VAV2: variants seen among roughly 807,000 people sequenced by gnomAD.
The protein encoded by VAV2 is vav guanine nucleotide exchange factor 2, also known as guanine nucleotide exchange factor VAV2.
A neutral mutation model predicts 132.5 loss-of-function variants in VAV2; 67 were observed. The observed-to-expected ratio is 0.51, with a 90% confidence interval of 0.42 to 0.62. The LOEUF (loss-of-function observed/expected upper bound fraction) is 0.62, where lower values mean the gene tolerates loss of function less well. VAV2 is among the 20% of genes least tolerant of loss of function. VAV2 has a pLI of 0.00. For missense variants in VAV2, 938 were observed against 1,153.6 expected (o/e 0.81, Z 2.71); for synonymous variants, 492 against 443.5 (o/e 1.11, Z -1.37).
At chr9:133,806,033 C>T (rs766504486) in intron 9 of VAV2, 48 bp downstream of exon 9, 8 of 1,578,092 alleles carry the variant, frequency 5.1e-6, no homozygotes, top group Non-Finnish European at 6.0e-6. Context: ...TAAACTCTCC[C>T]GCAGACAGGG....
In VAV2 at chr9:133,840,449, C is replaced by A. The variant is rs537845894; in HGVS notation, c.381-6109G>T. 4.6e-5 allele frequency among the ~76,000 whole-genome samples: 7 copies of A among 152,268 alleles called. No homozygotes were observed. The highest frequency in any genetic ancestry group is 1.3e-4 in the Admixed American group (2 of 15,298). On this transcript the variant is annotated intron_variant, in intron 3 of 29. Transcript: ENST00000371850. The surrounding 1 kb of genome is among the most constrained non-coding windows in gnomAD (Gnocchi z 4.5). ...TCCTGCCCCTGAGCCACTGCTTGCT[C>A]AAGGAGCTCCCCCAGCCCCCAACAG...
intron 3 of VAV2, among the ~76,000 whole-genome samples, chr9:133,837,453 T>C (rs1279542204): frequency 6.6e-6 from 1 of 152,134 alleles, no homozygotes; most frequent in Non-Finnish European, 1.5e-5. Context: ...CCCAGGACTT[T>C]GGGAGGCCCG....
At chr9:133,771,814 T>G in intron 26 of VAV2, 145 bp downstream of exon 26, 16 of 747,834 alleles carry the variant, frequency 2.1e-5, no homozygotes, top group Non-Finnish European at 3.4e-5. Flanking sequence ...GCTGTCCTAG[T>G]GCCTTAAAAA....
At chr9:133,972,352 C>T (rs1228742652) in intron 1 of VAV2, among the ~76,000 whole-genome samples, 2 of 152,220 alleles carry the variant, frequency 1.3e-5, no homozygotes, top group East Asian at 1.9e-4. Context: ...CATCTCCAGG[C>T]TTGCAGCCCA....
intron 2 of VAV2, among the ~76,000 whole-genome samples, chr9:133,881,060 G>A (rs182242436): frequency 0.01 from 1,539 of 148,682 alleles, 12 homozygotes; most frequent in Middle Eastern, 0.032. Context: ...GCAGCCCAGA[G>A]CTGGGGGCCA....
intron 16 of VAV2, 145 bp downstream of exon 16, chr9:133,787,101 C>T (rs554776767): frequency 3.3e-5 from 29 of 885,056 alleles, no homozygotes; most frequent in Non-Finnish European, 4.1e-5. Flanking sequence ...ATTTCATCAT[C>T]GGGAAAGGGA....
chr9:133,784,528 G>C (rs901588015), intron 17 of VAV2, 110 bp from the exon 18 acceptor site: 74 of 1,187,094 alleles, frequency 6.2e-5, no homozygotes, highest in Admixed American at 3.0e-4. Context: ...TGCAGAATCC[G>C]AGAGGGCCTG....
intron 6 of VAV2, among the ~76,000 whole-genome samples, chr9:133,809,919 G>A (rs887888571): frequency 4.6e-5 from 7 of 152,274 alleles, no homozygotes; most frequent in Admixed American, 2.6e-4. Context: ...CGCTCGTGTC[G>A]GCCCTAAGAC....
At chr9:133,791,654 C>T (rs935327200) in intron 13 of VAV2, 129 bp downstream of exon 13, 2 of 798,148 alleles carry the variant, frequency 2.5e-6, no homozygotes, top group Non-Finnish European at 4.2e-6. Flanking sequence ...AGTTGCCGGG[C>T]ACCAGCCTCT....
Position 133,992,291 on chromosome 9 carries a change from C to A in VAV2, c.-13G>T. 1.3e-6 allele frequency: 2 copies of A among 1,522,716 alleles called. No homozygotes were observed. Among genetic ancestry groups the A allele is most frequent in the South Asian group, 1.2e-5 (1 of 80,780 alleles). The allele number at this position is 1,522,716 out of a possible 1,614,324, so 94.3% of individuals were successfully genotyped here. On this transcript the variant is annotated 5_prime_UTR_variant, in exon 1 of 30. Coordinates refer to ENST00000371850, the MANE Select transcript of VAV2 (RefSeq NM_001134398.2). This position sits in a 1 kb window ranked among gnomAD's most constrained non-coding sequence, Gnocchi z 5.5. ...GCCACTGCTCCATGGCGCCCGCGGG[C>A]CCGACCGGCTCAGGGCAGTGCTCGA...
chr9:133,788,250 A>C lies in VAV2; in HGVS notation c.1407+104T>G. On this transcript the variant is annotated intron_variant, in intron 15 of 29. Coordinates refer to ENST00000371850, the MANE Select transcript of VAV2 (RefSeq NM_001134398.2). This position sits in a 1 kb window ranked among gnomAD's most constrained non-coding sequence, Gnocchi z 5.3. ...CACCCCAACCCACCCGGCCAGCATC[A>C]GCGGCTGACTTCGAGTCCCCTTCCC... 1 of 1,041,408 alleles carries C rather than the reference A, an allele frequency of 9.6e-7. No homozygotes were observed. The highest frequency in any genetic ancestry group is 1.3e-6 in the Non-Finnish European group (1 of 742,002). 64.5% of individuals were successfully genotyped at this position (1,041,408 alleles called of 1,614,324 possible).
intron 25 of VAV2, among the ~76,000 whole-genome samples, chr9:133,772,304 T>C (rs927947144): frequency 2.0e-5 from 3 of 152,202 alleles, no homozygotes; most frequent in African/African-American, 7.2e-5. Context: ...TCTCCTGGCC[T>C]CTAGCCCTGC....
chr9:133,798,905 C>T (rs759108666), intron 9 of VAV2, among the ~76,000 whole-genome samples: 6 of 152,214 alleles, frequency 3.9e-5, no homozygotes, highest in Admixed American at 6.5e-5. Context: ...TCTGGCAGGG[C>T]TGTGTGTTGG....
rs1325819417 is a variant in VAV2, at chr9:133,912,404, C to T, written c.321+26699G>A. ...TGCCACACAAACGAGCCGGAGGCTT[C>T]TGGAGGACAGTGTGCCTAGATGAAG... is the stretch of plus-strand genomic sequence containing the variant. On this transcript the variant is annotated intron_variant, in intron 2 of 29. Coordinates refer to ENST00000371850, the MANE Select transcript of VAV2 (RefSeq NM_001134398.2). The surrounding 1 kb of genome is among the most constrained non-coding windows in gnomAD (Gnocchi z 4.3). Among the ~76,000 whole-genome samples, 1 of 152,202 alleles carries T rather than the reference C, an allele frequency of 6.6e-6. No individual in the cohort carries two copies. Among genetic ancestry groups the T allele is most frequent in the African/African-American group, 2.4e-5 (1 of 41,446 alleles).
chr9:133,768,058 CA>C lies in VAV2; in HGVS notation c.2589+383del, dbSNP rs1833494105. 6.6e-6 allele frequency among the ~76,000 whole-genome samples: 1 copy of C among 152,064 alleles called. No individual in the cohort carries two copies. The highest frequency in any genetic ancestry group is 2.4e-5 in the African/African-American group (1 of 41,402). ...AATGGCAGGAGGAGCCCAGCAAGGA[CA>C]CCGTGTCCTCCTCAGTCCTGTGACC... On this transcript the variant is annotated intron_variant, in intron 29 of 29. Transcript: ENST00000371850. The surrounding 1 kb of genome is among the most constrained non-coding windows in gnomAD (Gnocchi z 5.3).
At chr9:133,801,957 T>A (rs1222055581) in intron 9 of VAV2, among the ~76,000 whole-genome samples, 5 of 152,048 alleles carry the variant, frequency 3.3e-5, no homozygotes, top group South Asian at 2.1e-4. Flanking sequence ...AACAGAGACA[T>A]CTCTGTTGTT....
chr9:133,768,708 G>C lies in VAV2; in HGVS notation c.2435-112C>G. ...CCCCTGGTGCCCAGAACCCTGCTCT[G>C]TACCCAGAGAGGAAGGATGTCAAGC... On this transcript the variant is annotated intron_variant, in intron 28 of 29. Transcript: ENST00000371850. This position sits in a 1 kb window ranked among gnomAD's most constrained non-coding sequence, Gnocchi z 5.3. 7.5e-7 allele frequency: 1 copy of C among 1,335,898 alleles called. No homozygotes were observed. The highest frequency in any genetic ancestry group is 2.5e-5 in the East Asian group (1 of 39,500). The allele number at this position is 1,335,898 out of a possible 1,614,324, so 82.8% of individuals were successfully genotyped here.
At chr9:133,914,025 T>C (rs910177711) in intron 2 of VAV2, among the ~76,000 whole-genome samples, 38 of 152,220 alleles carry the variant, frequency 2.5e-4, no homozygotes, top group African/African-American at 8.9e-4. Context: ...AACATTATCC[T>C]GAAACGTAAA....
At position 133,806,125 on chromosome 9, in the gene VAV2, C is replaced by G. The variant is rs140110264; in HGVS notation, c.792G>C (p.Val264=). 1.4e-5 allele frequency: 23 copies of G among 1,612,974 alleles called. No homozygotes were observed. In the African/African-American group the frequency reaches 2.9e-4, roughly 21 times the overall value. Residue 264 remains valine (V), a synonymous_variant, in exon 9 of 30, where the codon GTG becomes GTC. Coordinates refer to ENST00000371850, the MANE Select transcript of VAV2 (RefSeq NM_001134398.2). ...AGACCTTGGCCAGCGTGCTGCCCCCCACCATCACGGACACGTCGATGGCCC... is the reference window on the plus strand; with the variant it reads ...AGACCTTGGCCAGCGTGCTGCCCCCGACCATCACGGACACGTCGATGGCCC... ...FLRAIDVSVM[V]GGSTLAKVFL...
Sources: allele counts gnomAD v4.1 joint callset (sites outside exome capture counted in the v4.1 genomes callset), GRCh38; gene constraint gnomAD v4.1.1; non-coding constraint Gnocchi (gnomAD v3.1); transcripts MANE v1.5; gene names NCBI Gene and HGNC (gene_info 2026-07-23, HGNC 2026-07-21).